TMEM132B: variants seen among roughly 807,000 people sequenced by gnomAD.
TMEM132B encodes the protein transmembrane protein 132B.
Under a neutral mutation model 90.8 loss-of-function variants are expected in TMEM132B, and 18 were observed. The ratio of observed to expected loss-of-function variants is 0.20; its 90% CI spans 0.14 to 0.29. The LOEUF (loss-of-function observed/expected upper bound fraction) is 0.29, where lower values mean the gene tolerates loss of function less well. Among genes scored for constraint, TMEM132B ranks in the 10% least tolerant of loss-of-function variants. The pLI is 1.00. For synonymous variants in TMEM132B, 504 were observed against 523.3 expected (o/e 0.96, Z 0.50); for missense variants, 1,096 against 1,326.8 (o/e 0.83, Z 2.70).
intron 1 of TMEM132B, among the ~76,000 whole-genome samples, chr12:125,305,834 A>G (rs1378627461): frequency 1.3e-5 from 2 of 152,212 alleles, no homozygotes; most frequent in East Asian, 3.8e-4. Context: ...TTGAGTTTCC[A>G]TCTTTCTCTA....
In TMEM132B at chr12:125,625,130, CT is replaced by C. The variant is rs1169262449; in HGVS notation, c.1438-18926del. Among the ~76,000 whole-genome samples, 480 of 103,882 alleles carry C rather than the reference CT, an allele frequency of 4.6e-3. 3 individuals are homozygous for C. Among genetic ancestry groups the C allele is most frequent in the African/African-American group, 0.016 (415 of 25,580 alleles). The allele number at this position is 103,882 out of a possible 152,430, so 68.2% of individuals were successfully genotyped here. On this transcript the variant is annotated intron_variant, in intron 5 of 8. Transcript: ENST00000682704. Reference sequence around the variant, plus strand: ...ATATGTAGTCTTTTGGATTTGACTTCTTTTTTTTTTTTTTTTTTTTGAGACT... The same window carrying C: ...ATATGTAGTCTTTTGGATTTGACTTCTTTTTTTTTTTTTTTTTTTGAGACT...
chr12:125,431,806 A>T (rs1880517366), intron 3 of TMEM132B, among the ~76,000 whole-genome samples: 1 of 152,102 alleles, frequency 6.6e-6, no homozygotes, highest in African/African-American at 2.4e-5. Context: ...TTGGCTTGAG[A>T]TACAATCTGC....
At chr12:125,332,850 T>TA (rs891243724) in intron 1 of TMEM132B, among the ~76,000 whole-genome samples, 2 of 151,972 alleles carry the variant, frequency 1.3e-5, no homozygotes, top group African/African-American at 4.8e-5. Context: ...TGAACTGCCT[T>TA]AAAAAACAAA....
intron 3 of TMEM132B, among the ~76,000 whole-genome samples, chr12:125,499,007 C>T (rs1456785836): frequency 6.6e-6 from 1 of 152,134 alleles, no homozygotes; most frequent in Non-Finnish European, 1.5e-5. Flanking sequence ...GAGTAAGTCC[C>T]ACAACATTAA....
chr12:125,577,192 A>G (rs1327263615), intron 4 of TMEM132B, among the ~76,000 whole-genome samples: 3 of 151,504 alleles, frequency 2.0e-5, no homozygotes, highest in Non-Finnish European at 4.4e-5. Flanking sequence ...TGAAATTCCA[A>G]TTTCCTCTTG....
chr12:125,426,269 C>A (rs145593899), intron 3 of TMEM132B, among the ~76,000 whole-genome samples: 1,692 of 152,156 alleles, frequency 0.011, 30 homozygotes, highest in African/African-American at 0.037. Context: ...CTGTTCAAGT[C>A]TTTTGCTCAT....
intron 4 of TMEM132B, among the ~76,000 whole-genome samples, chr12:125,578,515 A>G (rs1376864751): frequency 6.6e-6 from 1 of 152,098 alleles, no homozygotes; most frequent in Non-Finnish European, 1.5e-5. Flanking sequence ...GTATTTATCA[A>G]TGTAGTTACA....
intron 2 of TMEM132B, among the ~76,000 whole-genome samples, chr12:125,358,826 C>T (rs1877869207): frequency 6.6e-6 from 1 of 152,186 alleles, no homozygotes; most frequent in Non-Finnish European, 1.5e-5. Context: ...TGAGATTACA[C>T]ATTTATCTTG....
intron 1 of TMEM132B, among the ~76,000 whole-genome samples, chr12:125,240,211 T>TG (rs1329666964): frequency 6.6e-6 from 1 of 152,190 alleles, no homozygotes; most frequent in Non-Finnish European, 1.5e-5. Context: ...AACAAAACCC[T>TG]GCCTAACACG....
intron 3 of TMEM132B, 147 bp from the exon 4 acceptor site, chr12:125,519,292 A>G: frequency 1.3e-6 from 1 of 770,422 alleles, no homozygotes; most frequent in Non-Finnish European, 2.0e-6. Context: ...GCTGTGAATT[A>G]GGCTCCGACA....
intron 4 of TMEM132B, among the ~76,000 whole-genome samples, chr12:125,581,406 A>C (rs2136862489): frequency 6.6e-6 from 1 of 152,322 alleles, no homozygotes; most frequent in East Asian, 1.9e-4. Flanking sequence ...GGAACCTGGA[A>C]ATCTTTCCCA....
At chr12:125,311,490 TATCA>T (rs1876123301) in intron 1 of TMEM132B, among the ~76,000 whole-genome samples, 1 of 152,188 alleles carries the variant, frequency 6.6e-6, no homozygotes, top group Non-Finnish European at 1.5e-5. Context: ...TCCCACATCC[TATCA>T]ATCAGTGAGT....
intron 1 of TMEM132B, among the ~76,000 whole-genome samples, chr12:125,245,954 C>T (rs1021148053): frequency 1.1e-4 from 17 of 152,314 alleles, no homozygotes; most frequent in African/African-American, 3.6e-4. Flanking sequence ...TTGATTCACC[C>T]GACATCTCTG....
chr12:125,524,024 C>G (rs960971776), intron 4 of TMEM132B, among the ~76,000 whole-genome samples: 1 of 152,222 alleles, frequency 6.6e-6, no homozygotes, highest in African/African-American at 2.4e-5. Context: ...AATTTCACAT[C>G]ACTGTCCTCT....
At position 125,387,185 on chromosome 12, in the gene TMEM132B, T is replaced by C. The variant is rs565927338; in HGVS notation, c.960-28346T>C. On this transcript the variant is annotated intron_variant, in intron 2 of 8. Transcript: ENST00000682704. Reference sequence around the variant, plus strand: ...GGAGATGGTGGGGGGGTGGGTAGATTTGTGATCCATTGCATAGGAAGTCTC... The same window carrying C: ...GGAGATGGTGGGGGGGTGGGTAGATCTGTGATCCATTGCATAGGAAGTCTC... Among the ~76,000 whole-genome samples the C allele has an allele frequency of 3.8e-3, 584 of 152,110 alleles. 3 individuals carry two copies. Among genetic ancestry groups the C allele is most frequent in the Non-Finnish European group, 6.9e-3 (467 of 67,996 alleles).
At chr12:125,481,047 T>TA (rs1882028622) in intron 3 of TMEM132B, among the ~76,000 whole-genome samples, 1 of 152,132 alleles carries the variant, frequency 6.6e-6, no homozygotes, top group Non-Finnish European at 1.5e-5. Context: ...AGGCCTTCGA[T>TA]AAAATCTGAT....
At chr12:125,336,833 G>C (rs1876978107) in intron 1 of TMEM132B, among the ~76,000 whole-genome samples, 1 of 152,176 alleles carries the variant, frequency 6.6e-6, no homozygotes, top group Admixed American at 6.5e-5. Flanking sequence ...TCTGCCTTTT[G>C]TAAGCCTCAG....
chr12:125,312,420 C>T (rs529640031), intron 1 of TMEM132B, among the ~76,000 whole-genome samples: 19 of 152,318 alleles, frequency 1.2e-4, no homozygotes, highest in Admixed American at 7.8e-4. Context: ...TGGGCTCAGC[C>T]GTTTCTTCAA....
intron 1 of TMEM132B, among the ~76,000 whole-genome samples, chr12:125,341,853 T>C (rs1877189758): frequency 6.6e-6 from 1 of 152,210 alleles, no homozygotes; most frequent in African/African-American, 2.4e-5. Flanking sequence ...TAGCGTGTTG[T>C]GTAAAAGGAG....
Sources: allele counts gnomAD v4.1 joint callset (sites outside exome capture counted in the v4.1 genomes callset), GRCh38; gene constraint gnomAD v4.1.1; transcripts MANE v1.5; gene names NCBI Gene and HGNC (gene_info 2026-07-23, HGNC 2026-07-21).